Variants in ARHGAP22 observed in about 807,000 individuals in gnomAD.
ARHGAP22 encodes rho GTPase-activating protein 22.
Under a neutral mutation model 59.1 loss-of-function variants are expected in ARHGAP22, and 48 were observed. That is an observed-to-expected ratio of 0.81 (90% CI 0.64 to 1.03). The LOEUF (loss-of-function observed/expected upper bound fraction) is 1.03. ARHGAP22 is among the 50% of genes least tolerant of loss of function. The pLI, the probability that ARHGAP22 is intolerant of heterozygous loss-of-function variation, is 0.00. For synonymous variants in ARHGAP22, 445 were observed against 416.4 expected (o/e 1.07, Z -0.84); for missense variants, 1,015 against 958.7 (o/e 1.06, Z -0.78).
chr10:48,435,104 A>C, the ARHGAP22 span: 1 of 1,130,780 alleles, frequency 8.8e-7, no homozygotes, highest in Non-Finnish European at 1.2e-6. Flanking sequence ...AAAACAATTC[A>C]GTGGTCTTAT....
At chr10:48,654,365 C>T (rs2062674536), upstream of ARHGAP22, among the ~76,000 whole-genome samples, 4 of 152,220 alleles carry the variant, frequency 2.6e-5, no homozygotes, top group South Asian at 8.3e-4. Context: ...CTCAGAAGTG[C>T]TGGGAAGCTG....
intron 4 of ARHGAP22, among the ~76,000 whole-genome samples, chr10:48,460,948 A>T (rs1564694250): frequency 6.6e-6 from 1 of 152,192 alleles, no homozygotes; most frequent in Non-Finnish European, 1.5e-5. Flanking sequence ...CACAGACAGA[A>T]AGTAGAATGG....
At chr10:48,632,771 C>T (rs191464787) in intron 1 of ARHGAP22, among the ~76,000 whole-genome samples, 86 of 152,192 alleles carry the variant, frequency 5.7e-4, no homozygotes, top group African/African-American at 1.9e-3. Flanking sequence ...GGAGCTGTGC[C>T]GTCTTTAATA....
At chr10:48,600,302 G>T (rs2060305099) in intron 1 of ARHGAP22, among the ~76,000 whole-genome samples, 2 of 152,302 alleles carry the variant, frequency 1.3e-5, no homozygotes, top group South Asian at 4.1e-4. Context: ...TAAAATTGAA[G>T]AATAGGTGAG....
At chr10:48,539,580 C>G (rs571604627) in intron 3 of ARHGAP22, among the ~76,000 whole-genome samples, 2 of 152,014 alleles carry the variant, frequency 1.3e-5, no homozygotes, top group East Asian at 3.9e-4. Context: ...CGTGAGCCAC[C>G]ACGCCCGGCC....
chr10:48,518,556 G>A (rs1428203908), intron 3 of ARHGAP22, among the ~76,000 whole-genome samples: 1 of 152,228 alleles, frequency 6.6e-6, no homozygotes, highest in East Asian at 1.9e-4. Context: ...GAGAAATGAG[G>A]GAAGCAAAAG....
Position 48,583,112 on chromosome 10 carries a change from G to A in ARHGAP22, c.75C>T (p.Ser25=), listed in dbSNP as rs758402148. 19 of 1,614,132 alleles carry A rather than the reference G, an allele frequency of 1.2e-5. No individual in the cohort carries two copies. The highest frequency in any genetic ancestry group is 2.2e-5 in the South Asian group (2 of 91,088). The change falls in exon 2 of 10, where the codon AGC becomes AGT. Residue 25 remains serine (S), a synonymous_variant. Transcript: ENST00000249601. ...KSLVMGEQSR[S]PGRMPCPHRL... is the part of the protein sequence containing the mutation. ...TGTGAGGGCACGGCATCCGCCCAGGGCTCCGGCTCTGCTCCCCCATCACTA... is the reference window on the plus strand; with the variant it reads ...TGTGAGGGCACGGCATCCGCCCAGGACTCCGGCTCTGCTCCCCCATCACTA...
chr10:48,504,291 G>A (rs115116281), intron 3 of ARHGAP22, among the ~76,000 whole-genome samples: 193 of 152,332 alleles, frequency 1.3e-3, no homozygotes, highest in African/African-American at 4.5e-3. Flanking sequence ...TGAAGGGCAG[G>A]GAGGCTGATT....
intron 1 of ARHGAP22, among the ~76,000 whole-genome samples, chr10:48,642,274 T>C (rs2062082442): frequency 6.6e-6 from 1 of 152,142 alleles, no homozygotes; most frequent in Admixed American, 6.5e-5. Flanking sequence ...GAGCCCGCAT[T>C]GCCAAGACAA....
intron 1 of ARHGAP22, chr10:48,625,043 G>A (rs1402302374): frequency 6.6e-6 from 1 of 151,826 alleles, no homozygotes; most frequent in Non-Finnish European, 1.5e-5. Context: ...GCAGTACTTA[G>A]ATTTTGGGGC....
At chr10:48,457,308 C>T (rs979397466) in intron 5 of ARHGAP22, among the ~76,000 whole-genome samples, 1 of 152,198 alleles carries the variant, frequency 6.6e-6, no homozygotes, top group Non-Finnish European at 1.5e-5. Flanking sequence ...GCCGGGCCGC[C>T]TGCTTCACCC....
intron 3 of ARHGAP22, among the ~76,000 whole-genome samples, chr10:48,497,355 C>T (rs9664267): frequency 3.3e-5 from 5 of 152,202 alleles, no homozygotes; most frequent in African/African-American, 1.2e-4. Flanking sequence ...GCTGGGCTTT[C>T]TGCTTCCTGC....
At chr10:48,497,652 C>T (rs1014423546) in intron 3 of ARHGAP22, among the ~76,000 whole-genome samples, 3 of 152,138 alleles carry the variant, frequency 2.0e-5, no homozygotes, top group Admixed American at 1.3e-4. Context: ...CAGGGCACTA[C>T]CGGGGACACA....
intron 1 of ARHGAP22, among the ~76,000 whole-genome samples, chr10:48,586,619 A>T (rs1588988275): frequency 1.3e-5 from 2 of 152,198 alleles, no homozygotes; most frequent in Middle Eastern, 3.2e-3. Flanking sequence ...CCAAACAATT[A>T]TGCCAATGTG....
intron 1 of ARHGAP22, among the ~76,000 whole-genome samples, chr10:48,596,385 A>G (rs571286691): frequency 3.3e-5 from 5 of 151,586 alleles, no homozygotes; most frequent in African/African-American, 4.8e-5. Context: ...TCATCTATAA[A>G]GGGAGAGGGG....
rs1249837700 is a variant in ARHGAP22 at position 48,596,280 on chromosome 10, C to T, written c.34+8483G>A. ...TGAGATTATGGGGCCTCCCGTATGC[C>T]CACCTGTGAGAGCCACTGCATATGG... is the stretch of plus-strand genomic sequence containing the variant. On this transcript the variant is annotated intron_variant, in intron 1 of 9. Transcript: ENST00000249601. Among the ~76,000 whole-genome samples, 3 of 152,116 alleles carry T rather than the reference C, an allele frequency of 2.0e-5. No homozygotes were observed. The East Asian group carries it at 5.8e-4, about 29-fold the overall frequency.
chr10:48,507,929 G>GGGGGTA (rs2052329116), intron 3 of ARHGAP22, among the ~76,000 whole-genome samples: 1 of 135,408 alleles, frequency 7.4e-6, no homozygotes, highest in African/African-American at 2.7e-5. Context: ...GGGTGGGGGT[G>GGGGGTA]GGGGGGGATC....
At chr10:48,612,942 G>A (rs749960728) in intron 1 of ARHGAP22, among the ~76,000 whole-genome samples, 7 of 152,150 alleles carry the variant, frequency 4.6e-5, no homozygotes, top group South Asian at 2.1e-4. Flanking sequence ...ACCACAGGTC[G>A]TCCTTCAAAA....
At chr10:48,598,589 A>G (rs188119267) in intron 1 of ARHGAP22, among the ~76,000 whole-genome samples, 1 of 152,224 alleles carries the variant, frequency 6.6e-6, no homozygotes, top group Admixed American at 6.5e-5. Context: ...TGCTCCCACT[A>G]GCATTTACCC....
Sources: gnomAD v4.1 joint callset for allele counts (sites outside exome capture counted in the v4.1 genomes callset) on GRCh38, gnomAD v4.1.1 for gene constraint, MANE v1.5 for transcripts, NCBI Gene and HGNC (gene_info 2026-07-23, HGNC 2026-07-21) for gene names.